Variants in OCA2 observed in about 807,000 individuals in gnomAD.
OCA2 encodes OCA2 melanosomal transmembrane protein, also known as P protein.
A neutral mutation model predicts 100.2 loss-of-function variants in OCA2; 77 were observed. The ratio of observed to expected loss-of-function variants is 0.77; its 90% CI spans 0.64 to 0.93. OCA2 has a LOEUF of 0.93. Among genes scored for constraint, OCA2 ranks in the 40% least tolerant of loss-of-function variants. The pLI, the probability that OCA2 is intolerant of heterozygous loss-of-function variation, is 0.00. For missense variants in OCA2, 1,062 were observed against 1,089.1 expected (o/e 0.98, Z 0.35); for synonymous variants, 432 against 439.2 (o/e 0.98, Z 0.21).
At chr15:27,829,305 A>ATAGATAGATAGATAGATAGT (rs1555412984) in intron 23 of OCA2, among the ~76,000 whole-genome samples, 3 of 151,944 alleles carry the variant, frequency 2.0e-5, no homozygotes, top group African/African-American at 7.3e-5. Context: ...AGATAGATAG[A>ATAGATAGATAGATAGATAGT]TAGATAGATA....
the OCA2 span, among the ~76,000 whole-genome samples, chr15:27,745,897 G>A: frequency 6.6e-6 from 1 of 152,166 alleles, no homozygotes; most frequent in East Asian, 1.9e-4. Flanking sequence ...GAAAACCTTT[G>A]AATCCACCTA....
rs532186613 is a variant in OCA2, at chr15:27,886,882, G to A, written c.2080-14960C>T. Among the ~76,000 whole-genome samples, 8 of 152,278 alleles carry A rather than the reference G, an allele frequency of 5.3e-5. No individual in the cohort carries two copies. The South Asian group carries it at 1.7e-3, about 32-fold the overall frequency. Reference sequence around the variant, plus strand: ...AAAGGTGGTAAGAGGAGAGGAAACTGTTTGGGATCTGATATGGTTTGCCTC... The same window carrying A: ...AAAGGTGGTAAGAGGAGAGGAAACTATTTGGGATCTGATATGGTTTGCCTC... On this transcript the variant is annotated intron_variant, in intron 19 of 23. Coordinates refer to ENST00000354638, the MANE Select transcript of OCA2 (RefSeq NM_000275.3).
rs2043252055 is a variant in OCA2 at position 28,043,052 on chromosome 15, A to G, written c.228-10889T>C. ...TTCCAGACAATTTGTAAGGACAGTTAACACAAGAAATATTGAATATAAATG... is the reference window on the plus strand; with the variant it reads ...TTCCAGACAATTTGTAAGGACAGTTGACACAAGAAATATTGAATATAAATG... On this transcript the variant is annotated intron_variant, in intron 2 of 23. Coordinates refer to ENST00000354638, the MANE Select transcript of OCA2 (RefSeq NM_000275.3). The surrounding 1 kb of genome is among the most constrained non-coding windows in gnomAD (Gnocchi z 4.4). Among the ~76,000 whole-genome samples, 1 of 152,254 alleles carries G rather than the reference A, an allele frequency of 6.6e-6. No individual in the cohort carries two copies. The highest frequency in any genetic ancestry group is 6.5e-5 in the Admixed American group (1 of 15,288).
chr15:27,893,652 T>C (rs145832515), intron 19 of OCA2, among the ~76,000 whole-genome samples: 2,230 of 152,240 alleles, frequency 0.015, 44 homozygotes, highest in African/African-American at 0.047. Flanking sequence ...GACTGAGATA[T>C]GCCCTGGTCT....
At chr15:27,982,023 T>G (rs114304146) in intron 14 of OCA2, among the ~76,000 whole-genome samples, 70 of 152,248 alleles carry the variant, frequency 4.6e-4, no homozygotes, top group African/African-American at 1.6e-3. Flanking sequence ...ATCCAGTGAC[T>G]TGGTTACCAT....
chr15:27,936,551 C>A (rs1351820829), intron 18 of OCA2, among the ~76,000 whole-genome samples: 2 of 152,188 alleles, frequency 1.3e-5, no homozygotes, highest in Non-Finnish European at 2.9e-5. Flanking sequence ...ACTGTTTGTT[C>A]ATATCTCATG....
At chr15:27,804,816 G>A (rs1474871729) in intron 23 of OCA2, among the ~76,000 whole-genome samples, 2 of 152,226 alleles carry the variant, frequency 1.3e-5, no homozygotes, top group East Asian at 3.9e-4. Flanking sequence ...TGCAGCCTAC[G>A]GCCCCAGTCC....
rs546059639 is a variant in OCA2 at position 27,873,365 on chromosome 15, A to G, written c.2080-1443T>C. On this transcript the variant is annotated intron_variant, in intron 19 of 23. Coordinates refer to ENST00000354638, the MANE Select transcript of OCA2 (RefSeq NM_000275.3). ...TAAAATCACCCCCTGTTAAGAACCA[A>G]TGTTCCCAGGGGGGATAAAATCACC... Among the ~76,000 whole-genome samples the G allele has an allele frequency of 2.6e-5, 4 of 152,350 alleles. No individual in the cohort carries two copies. The South Asian group carries it at 8.3e-4, about 32-fold the overall frequency.
At chr15:27,807,364 G>A (rs372765757) in intron 23 of OCA2, among the ~76,000 whole-genome samples, 1 of 152,124 alleles carries the variant, frequency 6.6e-6, no homozygotes, top group Non-Finnish European at 1.5e-5. Flanking sequence ...TCCTGATGCC[G>A]GTGCTGTGGT....
intron 18 of OCA2, among the ~76,000 whole-genome samples, chr15:27,950,087 C>T (rs892044156): frequency 6.6e-6 from 1 of 152,106 alleles, no homozygotes; most frequent in Non-Finnish European, 1.5e-5. Flanking sequence ...TTTTTAAGTC[C>T]ATATAGTTAA....
intron 5 of OCA2, among the ~76,000 whole-genome samples, chr15:28,023,905 C>A (rs2042669559): frequency 1.3e-5 from 2 of 152,094 alleles, no homozygotes; most frequent in African/African-American, 4.8e-5. Flanking sequence ...GGGGACCATA[C>A]ACCCACGTGC....
chr15:27,844,889 TA>T (rs1364343059), intron 23 of OCA2, 69 bp downstream of exon 23: 19 of 1,128,070 alleles, frequency 1.7e-5, no homozygotes, highest in African/African-American at 3.0e-5. Flanking sequence ...TTTAATGTGT[TA>T]TTTTTTTAAT....
chr15:27,854,340 T>TA (rs1238340967), intron 21 of OCA2, among the ~76,000 whole-genome samples: 1 of 152,190 alleles, frequency 6.6e-6, no homozygotes, highest in Non-Finnish European at 1.5e-5. Flanking sequence ...CTGACCCATG[T>TA]GCCTGCTACT....
At position 27,926,137 on chromosome 15, in the gene OCA2, A is replaced by G. The variant is rs1267509582; in HGVS notation, c.2069T>C (p.Val690Ala). 2 of 1,614,168 alleles carry G rather than the reference A, an allele frequency of 1.2e-6. No homozygotes were observed. The highest frequency in any genetic ancestry group is 3.3e-5 in the Admixed American group (2 of 60,032). Reference sequence around the variant, plus strand: ...GTTCTAAAATCTTACCTCCATCAGAACAAAGAGCGCTGCAAAAAACAGAAG... The same window carrying G: ...GTTCTAAAATCTTACCTCCATCAGAGCAAAGAGCGCTGCAAAAAACAGAAG... ...ATLLFFAALF[V>A]LMEALAHLHL... Residue 690 changes from valine (V) to alanine (A), a missense_variant, in exon 19 of 24, where the codon GTT becomes GCT. Transcript: ENST00000354638.
chr15:27,995,646 T>G (rs2041700309), intron 9 of OCA2, among the ~76,000 whole-genome samples: 2 of 151,654 alleles, frequency 1.3e-5, no homozygotes, highest in South Asian at 4.2e-4. Flanking sequence ...TGCCTCAACC[T>G]CCTAAAGCAC....
intron 19 of OCA2, among the ~76,000 whole-genome samples, chr15:27,872,745 A>G (rs1335566614): frequency 6.7e-6 from 1 of 149,458 alleles, no homozygotes; most frequent in Non-Finnish European, 1.5e-5. Context: ...GCTGGAGTGC[A>G]GTGGCACGAT....
intron 9 of OCA2, among the ~76,000 whole-genome samples, chr15:27,992,257 C>T (rs1211649740): frequency 6.6e-6 from 1 of 152,186 alleles, no homozygotes; most frequent in Non-Finnish European, 1.5e-5. Context: ...CCCACCACCA[C>T]ACCTGGCTAG....
intron 19 of OCA2, among the ~76,000 whole-genome samples, chr15:27,884,329 CGCACCACTGCACTCCA>C (rs1291736239): frequency 6.6e-6 from 1 of 152,078 alleles, no homozygotes; most frequent in Non-Finnish European, 1.5e-5. Flanking sequence ...GAACCGAAAT[CGCACCACTGCACTCCA>C]GCCTCAGTGA....
chr15:28,069,734 C>T (rs1300243373), intron 2 of OCA2, among the ~76,000 whole-genome samples: 16 of 145,482 alleles, frequency 1.1e-4, no homozygotes, highest in South Asian at 4.4e-4. Flanking sequence ...AGTGCAGTGG[C>T]GTGATCTCAG....
Sources: gnomAD v4.1 joint callset for allele counts (sites outside exome capture counted in the v4.1 genomes callset) on GRCh38, gnomAD v4.1.1 for gene constraint, Gnocchi (gnomAD v3.1) non-coding constraint, MANE v1.5 for transcripts, NCBI Gene and HGNC (gene_info 2026-07-23, HGNC 2026-07-21) for gene names.